The following WFDC3 variants were observed in gnomAD, a reference collection of about 807,000 sequenced individuals.
The protein encoded by WFDC3 is WAP four-disulfide core domain protein 3.
In WFDC3, 15 loss-of-function variants were observed where a neutral mutation model predicts 25.8. The observed-to-expected ratio is 0.58, with a 90% CI of 0.39 to 0.89. The LOEUF is 0.89. WFDC3 is among the 40% of genes least tolerant of loss of function. WFDC3 has a pLI of 0.00. For missense variants in WFDC3, 264 were observed against 289.8 expected (o/e 0.91, Z 0.65); for synonymous variants, 103 against 107.1 (o/e 0.96, Z 0.24).
rs1950020020 is a variant in WFDC3, at chr20:45,787,818, G to A, written c.358+18C>T. On this transcript the variant is annotated intron_variant, in intron 4 of 6. Coordinates refer to ENST00000243938, the MANE Select transcript of WFDC3 (RefSeq NM_080614.2). ...GCAGACCAAACAGACCATGAGGTGT[G>A]GGGACAGCGTTTCTTACCCAGCTTC... 2.5e-6 allele frequency: 4 copies of A among 1,607,556 alleles called. No homozygotes were observed. Among genetic ancestry groups the A allele is most frequent in the Non-Finnish European group, 3.4e-6 (4 of 1,176,816 alleles).
intron 4 of WFDC3, among the ~76,000 whole-genome samples, chr20:45,785,392 T>C (rs981838440): frequency 2.0e-5 from 3 of 148,416 alleles, no homozygotes; most frequent in African/African-American, 7.5e-5. Flanking sequence ...ATGACTTGAA[T>C]GTGGGAGCAG....
chr20:45,777,633 C>G (rs1336492575), intron 4 of WFDC3, among the ~76,000 whole-genome samples: 1 of 152,196 alleles, frequency 6.6e-6, no homozygotes. Flanking sequence ...ATCCTCCCAC[C>G]ACAGCCTCCT....
chr20:45,791,313 T>A (rs2145693781), intron 1 of WFDC3, among the ~76,000 whole-genome samples: 1 of 148,186 alleles, frequency 6.7e-6, no homozygotes, highest in South Asian at 2.2e-4. Context: ...TTTTTTTTTT[T>A]TTTGAGACAG....
At chr20:45,776,282 G>GTGTGTGTA (rs1980145406) in intron 5 of WFDC3, among the ~76,000 whole-genome samples, 1 of 114,644 alleles carries the variant, frequency 8.7e-6, no homozygotes, top group African/African-American at 3.4e-5. Flanking sequence ...TTATCTCTGT[G>GTGTGTGTA]TGTGTGTGTG....
intron 1 of WFDC3, among the ~76,000 whole-genome samples, chr20:45,791,508 G>T (rs1272616191): frequency 1.3e-5 from 2 of 152,048 alleles, no homozygotes; most frequent in African/African-American, 4.8e-5. Flanking sequence ...TGTTGGCCAG[G>T]CTGGTCTCGA....
At position 45,774,381 on chromosome 20, in the gene WFDC3, G is replaced by A; in HGVS notation, c.*47C>T. 2 of 1,613,988 alleles carry A rather than the reference G, an allele frequency of 1.2e-6. No individual in the cohort carries two copies. Among genetic ancestry groups the A allele is most frequent in the Non-Finnish European group, 1.7e-6 (2 of 1,179,946 alleles). ...GATGTCACCCTCTCTTGACTGCCAGGAAAAGCTTCCAGAATTACCAAAGAA... is the reference window on the plus strand; with the variant it reads ...GATGTCACCCTCTCTTGACTGCCAGAAAAAGCTTCCAGAATTACCAAAGAA... On this transcript the variant is annotated 3_prime_UTR_variant, in exon 7 of 7. Transcript: ENST00000243938.
chr20:45,781,358 A>G (rs1355510858), intron 4 of WFDC3, among the ~76,000 whole-genome samples: 3 of 152,234 alleles, frequency 2.0e-5, no homozygotes. Context: ...CAGTTCCACC[A>G]AAAGAGAAGA....
At chr20:45,785,916 A>C (rs555174433) in intron 4 of WFDC3, among the ~76,000 whole-genome samples, 2 of 151,396 alleles carry the variant, frequency 1.3e-5, no homozygotes, top group East Asian at 3.9e-4. Flanking sequence ...TCCCATTTCT[A>C]CTCTAACCGT....
intron 5 of WFDC3, 129 bp downstream of exon 5, chr20:45,776,946 A>C: frequency 6.7e-7 from 1 of 1,491,976 alleles, no homozygotes; most frequent in Non-Finnish European, 9.2e-7. Context: ...CCCTAGAAGA[A>C]TGGGTTGCTT....
chr20:45,782,941 C>A (rs1234544869), intron 4 of WFDC3, among the ~76,000 whole-genome samples: 1 of 152,202 alleles, frequency 6.6e-6, no homozygotes, highest in East Asian at 1.9e-4. Context: ...CTGGGCCCTG[C>A]CTACCTCTCC....
chr20:45,786,303 T>C (rs1885963366), intron 4 of WFDC3, among the ~76,000 whole-genome samples: 1 of 152,060 alleles, frequency 6.6e-6, no homozygotes, highest in African/African-American at 2.4e-5. Context: ...GGCAGGAGAA[T>C]TGCTTGAGCC....
At chr20:45,790,317 G>A (rs998684497) in intron 1 of WFDC3, among the ~76,000 whole-genome samples, 1 of 152,226 alleles carries the variant, frequency 6.6e-6, no homozygotes, top group Admixed American at 6.5e-5. Context: ...GAGCCCTAAA[G>A]GGCATTGGAA....
intron 5 of WFDC3, among the ~76,000 whole-genome samples, chr20:45,776,322 T>TGTGTGTGTGTGTATGTG (rs1980152931): frequency 3.2e-5 from 1 of 31,460 alleles, no homozygotes; most frequent in Non-Finnish European, 8.5e-5. Context: ...GTGTGTGTGT[T>TGTGTGTGTGTGTATGTG]TCCAGCTGGG....
chr20:45,776,084 C>T (rs1026653659), intron 5 of WFDC3, among the ~76,000 whole-genome samples: 1 of 152,140 alleles, frequency 6.6e-6, no homozygotes, highest in Non-Finnish European at 1.5e-5. Flanking sequence ...TCTATCTTGC[C>T]TGATGGGCTA....
At chr20:45,790,078 C>T in intron 1 of WFDC3, 96 bp from the exon 2 acceptor site, 1 of 862,982 alleles carries the variant, frequency 1.2e-6, no homozygotes, top group East Asian at 2.6e-5. Context: ...TGGCCCCAAA[C>T]CCAGTCCCAA....
chr20:45,784,090 C>T (rs566026336), intron 4 of WFDC3, among the ~76,000 whole-genome samples: 2 of 152,308 alleles, frequency 1.3e-5, no homozygotes, highest in South Asian at 4.1e-4. Flanking sequence ...GTGCCAGCCT[C>T]GCCCTTAGCC....
At chr20:45,779,338 T>C (rs1346118399) in intron 4 of WFDC3, among the ~76,000 whole-genome samples, 2 of 152,198 alleles carry the variant, frequency 1.3e-5, no homozygotes, top group Admixed American at 1.3e-4. Flanking sequence ...GTAAGTATGA[T>C]TGCATACAGC....
rs751618695 is a variant in WFDC3 at position 45,775,414 on chromosome 20, C to G, written c.679+3G>C. ...ATTGTTGATGACAATGGACTGTACT[C>G]ACCTAATTCGGAATCAGACCTCACA... On this transcript the variant is annotated splice_donor_region_variant and intron_variant, in intron 6 of 6. Coordinates refer to ENST00000243938, the MANE Select transcript of WFDC3 (RefSeq NM_080614.2). The G allele has an allele frequency of 6.2e-7, 1 of 1,613,852 alleles. No homozygotes were observed. The highest frequency in any genetic ancestry group is 8.5e-7 in the Non-Finnish European group (1 of 1,179,822).
chr20:45,776,555 G>A (rs1400115218), intron 5 of WFDC3, among the ~76,000 whole-genome samples: 5 of 133,298 alleles, frequency 3.8e-5, no homozygotes, highest in African/African-American at 8.6e-5. Flanking sequence ...CCAAGATCAC[G>A]CCACTACACT....
Sources: allele counts gnomAD v4.1 joint callset (sites outside exome capture counted in the v4.1 genomes callset), GRCh38; gene constraint gnomAD v4.1.1; transcripts MANE v1.5; gene names NCBI Gene and HGNC (gene_info 2026-07-23, HGNC 2026-07-21).